Variants in CAMK2D observed in about 807,000 individuals in gnomAD.
CAMK2D encodes the protein calcium/calmodulin-dependent protein kinase type II subunit delta.
In CAMK2D, 37 loss-of-function variants were observed where a neutral mutation model predicts 84.0. The observed-to-expected ratio is 0.44, with a 90% confidence interval of 0.34 to 0.58. The LOEUF (loss-of-function observed/expected upper bound fraction) is 0.58. CAMK2D is among the 20% of genes least tolerant of loss of function. The pLI is 0.02. For missense variants in CAMK2D, 448 were observed against 652.5 expected (o/e 0.69, Z 3.41); for synonymous variants, 202 against 212.5 (o/e 0.95, Z 0.43).
intron 2 of CAMK2D, among the ~76,000 whole-genome samples, chr4:113,721,833 T>A (rs1268160334): frequency 1.3e-5 from 2 of 152,164 alleles, no homozygotes; most frequent in African/African-American, 2.4e-5. Context: ...AAAGACCACT[T>A]GTACTGGTGC....
rs1055215844 is a variant in CAMK2D, at chr4:113,643,270, TA to T, written c.220+18442del. ...TCCAAGATATAAGATACAAACATGA[TA>T]AAAAAGTTTTTAAAAAAAGTCCAAC... On this transcript the variant is annotated intron_variant, in intron 3 of 20. Coordinates refer to ENST00000511664, the MANE Select transcript of CAMK2D (RefSeq NM_001321571.2). Among the ~76,000 whole-genome samples, 9 of 152,298 alleles carry T rather than the reference TA, an allele frequency of 5.9e-5. No individual in the cohort carries two copies. In the South Asian group the frequency reaches 1.4e-3, roughly 25 times the overall value.
At chr4:113,706,404 G>T (rs1311402816) in intron 2 of CAMK2D, among the ~76,000 whole-genome samples, 1 of 152,144 alleles carries the variant, frequency 6.6e-6, no homozygotes, top group Non-Finnish European at 1.5e-5. Flanking sequence ...AAATAAAAAT[G>T]ATAATTTGAC....
intron 4 of CAMK2D, among the ~76,000 whole-genome samples, chr4:113,570,994 A>G (rs1327134113): frequency 6.6e-6 from 1 of 152,260 alleles, no homozygotes; most frequent in Non-Finnish European, 1.5e-5. Context: ...GGACCTGAAT[A>G]GACATTTGTC....
chr4:113,513,517 T>A (rs367816006), intron 11 of CAMK2D, 147 bp from the exon 12 acceptor site: 8 of 683,702 alleles, frequency 1.2e-5, no homozygotes, highest in East Asian at 8.1e-5. Context: ...TTTGGTTTCC[T>A]GAGAGTCAAA....
intron 3 of CAMK2D, among the ~76,000 whole-genome samples, chr4:113,616,762 T>C (rs1490426500): frequency 1.3e-5 from 2 of 152,198 alleles, no homozygotes; most frequent in African/African-American, 4.8e-5. Flanking sequence ...AGGTAATTCA[T>C]GTAATACTCT....
chr4:113,544,101 T>G (rs1352710388), intron 6 of CAMK2D, among the ~76,000 whole-genome samples: 1 of 152,174 alleles, frequency 6.6e-6, no homozygotes, highest in Non-Finnish European at 1.5e-5. Context: ...GGCAAATGCA[T>G]TTTATTCTTC....
rs187378154 is a variant in CAMK2D at position 113,455,345 on chromosome 4, C to A, written c.*29+381G>T. On this transcript the variant is annotated intron_variant, in intron 20 of 20. Transcript: ENST00000511664. ...TAGCCAGCTGCTTACAGAACTGCAA[C>A]CTCTTGAAAGAATGGTTAAGACACC... Among the ~76,000 whole-genome samples the A allele has an allele frequency of 1.0e-3, 157 of 152,226 alleles. 1 individual carries two copies. The highest frequency in any genetic ancestry group is 3.5e-3 in the African/African-American group (146 of 41,536).
At chr4:113,532,773 C>T (rs1052164264) in intron 7 of CAMK2D, among the ~76,000 whole-genome samples, 1 of 152,182 alleles carries the variant, frequency 6.6e-6, no homozygotes, top group Admixed American at 6.5e-5. Context: ...CTTCTGAGCC[C>T]TTGACCTGAC....
intron 2 of CAMK2D, among the ~76,000 whole-genome samples, chr4:113,683,201 C>A (rs976446420): frequency 2.6e-5 from 4 of 152,106 alleles, no homozygotes; most frequent in Admixed American, 6.5e-5. Context: ...AGGCTGTGTG[C>A]ACTTATTTTT....
At position 113,670,922 on chromosome 4, in the gene CAMK2D, C is replaced by T. The variant is rs1010610961; in HGVS notation, c.161-9150G>A. ...CAGCCTGGGCAACAGAGCGAGACTC[C>T]GTCTCAAAAAAAAAAAGATAAACAC... On this transcript the variant is annotated intron_variant, in intron 2 of 20. Coordinates refer to ENST00000511664, the MANE Select transcript of CAMK2D (RefSeq NM_001321571.2). Among the ~76,000 whole-genome samples the T allele has an allele frequency of 9.9e-5, 15 of 151,474 alleles. No individual in the cohort carries two copies. In the East Asian group the frequency reaches 1.5e-3, roughly 16 times the overall value.
At chr4:113,521,895 T>C (rs921377754) in intron 8 of CAMK2D, among the ~76,000 whole-genome samples, 2 of 152,304 alleles carry the variant, frequency 1.3e-5, no homozygotes, top group South Asian at 2.1e-4. Context: ...CAGTTTATTA[T>C]AGTATTCTCT....
At chr4:113,711,555 A>C (rs1593394380) in intron 2 of CAMK2D, among the ~76,000 whole-genome samples, 2 of 152,324 alleles carry the variant, frequency 1.3e-5, no homozygotes, top group East Asian at 3.9e-4. Context: ...TGCAAAAGTA[A>C]ATTGAAATGA....
rs545514714 is a variant in CAMK2D at position 113,628,509 on chromosome 4, T to C, written c.221-19303A>G. On this transcript the variant is annotated intron_variant, in intron 3 of 20. Coordinates refer to ENST00000511664, the MANE Select transcript of CAMK2D (RefSeq NM_001321571.2). ...GATTCCTGCCGTGAAACAGTGAAGT[T>C]TGAAGTGATTTTGTTATCTATCATA... Among the ~76,000 whole-genome samples the C allele has an allele frequency of 3.9e-5, 6 of 152,230 alleles. No individual in the cohort carries two copies. The South Asian group carries it at 1.0e-3, about 26-fold the overall frequency.
intron 3 of CAMK2D, among the ~76,000 whole-genome samples, chr4:113,639,479 T>C (rs1437873501): frequency 6.6e-6 from 1 of 152,058 alleles, no homozygotes; most frequent in Non-Finnish European, 1.5e-5. Context: ...CTAGCCTGCA[T>C]AGGGCCACTG....
chr4:113,697,693 T>C (rs2099406849), intron 2 of CAMK2D, among the ~76,000 whole-genome samples: 1 of 152,064 alleles, frequency 6.6e-6, no homozygotes, highest in Non-Finnish European at 1.5e-5. Flanking sequence ...AAATGACTCA[T>C]ATAATACCTG....
intron 2 of CAMK2D, among the ~76,000 whole-genome samples, chr4:113,701,835 G>A (rs1255865022): frequency 6.6e-6 from 1 of 152,092 alleles, no homozygotes; most frequent in Non-Finnish European, 1.5e-5. Flanking sequence ...TCAGCCTCTA[G>A]AGTAGCTGGG....
chr4:113,539,676 C>A (rs2098517141), intron 6 of CAMK2D, among the ~76,000 whole-genome samples: 1 of 152,114 alleles, frequency 6.6e-6, no homozygotes, highest in Non-Finnish European at 1.5e-5. Flanking sequence ...ATAGTAAATC[C>A]ATCTGGACCA....
chr4:113,671,481 C>A (rs981397041), intron 2 of CAMK2D, among the ~76,000 whole-genome samples: 3 of 152,194 alleles, frequency 2.0e-5, no homozygotes, highest in Admixed American at 2.0e-4. Flanking sequence ...GATATCTTAA[C>A]AGTAATCAGT....
At chr4:113,566,986 G>A (rs1384796293) in intron 4 of CAMK2D, among the ~76,000 whole-genome samples, 1 of 151,898 alleles carries the variant, frequency 6.6e-6, no homozygotes, top group African/African-American at 2.4e-5. Flanking sequence ...CCAGGACTTG[G>A]CAGAGTATAT....
Sources: allele counts gnomAD v4.1 joint callset (sites outside exome capture counted in the v4.1 genomes callset), GRCh38; gene constraint gnomAD v4.1.1; transcripts MANE v1.5; gene names NCBI Gene and HGNC (gene_info 2026-07-23, HGNC 2026-07-21).